The following SLC35F1 variants were observed in gnomAD, a reference collection of about 807,000 sequenced individuals.
SLC35F1 encodes chromosome 6 open reading frame 169.
A neutral mutation model predicts 48.7 loss-of-function variants in SLC35F1; 14 were observed. That is an observed-to-expected ratio of 0.29 (90% CI 0.19 to 0.45). The LOEUF (loss-of-function observed/expected upper bound fraction) is 0.45, where lower values mean the gene tolerates loss of function less well. Among genes scored for constraint, SLC35F1 ranks in the 20% least tolerant of loss-of-function variants. SLC35F1 has a pLI of 1.00. For missense variants in SLC35F1, 404 were observed against 500.0 expected, an observed-to-expected ratio of 0.81 and a Z score of 1.83; for synonymous variants, 190 against 202.2, an observed-to-expected ratio of 0.94 and a Z score of 0.51.
chr6:118,172,530 A>T (rs1219310468), intron 2 of SLC35F1, among the ~76,000 whole-genome samples: 1 of 152,178 alleles, frequency 6.6e-6, no homozygotes, highest in Non-Finnish European at 1.5e-5. Context: ...TGTGTAAATT[A>T]GCAGCATGGT....
chr6:118,080,383 G>T (rs1772888198), intron 1 of SLC35F1, among the ~76,000 whole-genome samples: 1 of 152,188 alleles, frequency 6.6e-6, no homozygotes, highest in Admixed American at 6.5e-5. Context: ...GTTCTGGAGA[G>T]AGATTTTCAG....
At chr6:118,048,895 C>T (rs1459539159) in intron 1 of SLC35F1, among the ~76,000 whole-genome samples, 10 of 152,050 alleles carry the variant, frequency 6.6e-5, no homozygotes, top group South Asian at 2.1e-4. Context: ...AAAAAGAGCC[C>T]GCATCGCCAA....
chr6:117,914,114 C>CTATA (rs1221421214), intron 1 of SLC35F1, among the ~76,000 whole-genome samples: 1 of 151,630 alleles, frequency 6.6e-6, no homozygotes, highest in Non-Finnish European at 1.5e-5. Context: ...ATCTATCTAT[C>CTATA]TATCTATCTA....
chr6:118,278,718 T>C (rs1400869917), intron 6 of SLC35F1, among the ~76,000 whole-genome samples: 1 of 152,218 alleles, frequency 6.6e-6, no homozygotes, highest in Non-Finnish European at 1.5e-5. Context: ...AGGAAACCAG[T>C]TGCATGTTAC....
At chr6:118,076,571 A>G (rs1772821291) in intron 1 of SLC35F1, among the ~76,000 whole-genome samples, 1 of 152,168 alleles carries the variant, frequency 6.6e-6, no homozygotes, top group Admixed American at 6.5e-5. Flanking sequence ...TCAAACAACC[A>G]GATCCCATGA....
intron 1 of SLC35F1, among the ~76,000 whole-genome samples, chr6:118,119,160 A>G (rs1175493284): frequency 1.3e-5 from 2 of 152,110 alleles, no homozygotes; most frequent in African/African-American, 4.8e-5. Flanking sequence ...TCTGAGGGGA[A>G]GCAATGGAGC....
chr6:117,925,570 G>T (rs1776017352), intron 1 of SLC35F1, among the ~76,000 whole-genome samples: 1 of 152,060 alleles, frequency 6.6e-6, no homozygotes, highest in Non-Finnish European at 1.5e-5. Flanking sequence ...GTTTAGTTGG[G>T]GTTTGTTTGA....
intron 7 of SLC35F1, among the ~76,000 whole-genome samples, chr6:118,307,084 ACTTCT>A (rs1376104373): frequency 6.6e-6 from 1 of 152,174 alleles, no homozygotes; most frequent in East Asian, 1.9e-4. Context: ...CATGGTTGCT[ACTTCT>A]CTTTGCTTTA....
At chr6:118,203,076 A>C (rs923409892) in intron 2 of SLC35F1, among the ~76,000 whole-genome samples, 2 of 152,238 alleles carry the variant, frequency 1.3e-5, no homozygotes, top group Non-Finnish European at 2.9e-5. Flanking sequence ...GACAGCATTC[A>C]ACTAAAGACA....
intron 1 of SLC35F1, among the ~76,000 whole-genome samples, chr6:117,932,162 T>A (rs1776109827): frequency 6.6e-6 from 1 of 152,166 alleles, no homozygotes; most frequent in South Asian, 2.1e-4. Flanking sequence ...AAATGCACCA[T>A]CTTGGAAGCA....
chr6:118,208,117 G>A (rs564171345), intron 2 of SLC35F1, among the ~76,000 whole-genome samples: 7 of 117,900 alleles, frequency 5.9e-5, no homozygotes, highest in Middle Eastern at 4.7e-3. Flanking sequence ...ACACGCGCGC[G>A]CGCGATCACA....
intron 3 of SLC35F1, among the ~76,000 whole-genome samples, chr6:118,245,526 C>T (rs1264087632): frequency 6.6e-6 from 1 of 152,188 alleles, no homozygotes; most frequent in Non-Finnish European, 1.5e-5. Context: ...GCTGCTCTCT[C>T]CTCCCAGCAG....
At position 118,272,627 on chromosome 6, in the gene SLC35F1, TTAGC is replaced by T. The variant is rs1444565801; in HGVS notation, c.638-2829_638-2826del. Among the ~76,000 whole-genome samples, 5 of 151,728 alleles carry T rather than the reference TTAGC, an allele frequency of 3.3e-5. No homozygotes were observed. The South Asian group carries it at 8.3e-4, about 25-fold the overall frequency. Reference sequence around the variant, plus strand: ...TTTTAATAGGTAAGAAAAAACAGCTTTAGCTAAGCAAACTTCTTAACAGAGGAAA... The same window carrying T: ...TTTTAATAGGTAAGAAAAAACAGCTTTAAGCAAACTTCTTAACAGAGGAAA... On this transcript the variant is annotated intron_variant, in intron 4 of 7. Coordinates refer to ENST00000360388, the MANE Select transcript of SLC35F1 (RefSeq NM_001029858.4).
chr6:118,275,643 T>C (rs899912065), intron 5 of SLC35F1, 28 bp downstream of exon 5: 108 of 1,606,604 alleles, frequency 6.7e-5, no homozygotes, highest in Non-Finnish European at 8.6e-5. Context: ...GAAATATAGA[T>C]AGTAGAGGGA....
intron 1 of SLC35F1, among the ~76,000 whole-genome samples, chr6:118,044,515 A>G (rs1772272196): frequency 6.6e-6 from 1 of 152,082 alleles, no homozygotes; most frequent in African/African-American, 2.4e-5. Flanking sequence ...TGGGGCCACC[A>G]TGGCTCAGAG....
At chr6:118,130,635 A>G (rs1429533612) in intron 1 of SLC35F1, among the ~76,000 whole-genome samples, 1 of 152,262 alleles carries the variant, frequency 6.6e-6, no homozygotes, top group Non-Finnish European at 1.5e-5. Context: ...ACATTACACA[A>G]TGCCAAATGT....
At chr6:118,174,572 T>A (rs1774458169) in intron 2 of SLC35F1, among the ~76,000 whole-genome samples, 1 of 151,994 alleles carries the variant, frequency 6.6e-6, no homozygotes, top group African/African-American at 2.4e-5. Context: ...TATTAAATGA[T>A]CCAACATGCA....
chr6:118,154,529 A>G lies in SLC35F1; in HGVS notation c.258A>G (p.Glu86=), dbSNP rs1229670342. 3 of 1,614,072 alleles carry G rather than the reference A, an allele frequency of 1.9e-6. No homozygotes were observed. The change falls in exon 2 of 8, where the codon GAA becomes GAG. Residue 86 remains glutamate, a synonymous_variant. Coordinates refer to ENST00000360388, the MANE Select transcript of SLC35F1 (RefSeq NM_001029858.4). The part of the protein sequence containing the change: ...GIGLTSKYLS[E]DFHANTPVFQ... ...GCTTGACTAGCAAGTATCTGTCAGA[A>G]GATTTCCACGCCAACACACCAGTCT...
At chr6:118,301,206 AT>A (rs1182858489) in intron 7 of SLC35F1, among the ~76,000 whole-genome samples, 1 of 152,144 alleles carries the variant, frequency 6.6e-6, no homozygotes, top group East Asian at 1.9e-4. Context: ...ATGAAGGTTT[AT>A]TTTCACAGGA....
Sources: allele counts gnomAD v4.1 joint callset (sites outside exome capture counted in the v4.1 genomes callset), GRCh38; gene constraint gnomAD v4.1.1; transcripts MANE v1.5; gene names NCBI Gene and HGNC (gene_info 2026-07-23, HGNC 2026-07-21).